Variants in GPM6A observed in about 807,000 individuals in gnomAD.
GPM6A encodes neuronal membrane glycoprotein M6-a.
Under a neutral mutation model 32.1 loss-of-function variants are expected in GPM6A, and 7 were observed. The observed-to-expected ratio is 0.22, with a 90% CI of 0.12 to 0.41. GPM6A has a LOEUF of 0.41. Among genes scored for constraint, GPM6A ranks in the 10% least tolerant of loss-of-function variants. GPM6A has a pLI of 1.00. For synonymous variants in GPM6A, 130 were observed against 123.4 expected (o/e 1.05, Z -0.35); for missense variants, 235 against 347.2 (o/e 0.68, Z 2.57).
rs555954469 is a variant in GPM6A at position 175,714,730 on chromosome 4, A to G, written c.38-12963T>C. Among the ~76,000 whole-genome samples, 3 of 152,326 alleles carry G rather than the reference A, an allele frequency of 2.0e-5. No homozygotes were observed. In the East Asian group the frequency reaches 5.8e-4, roughly 29 times the overall value. On this transcript the variant is annotated intron_variant, in intron 1 of 6. Coordinates refer to ENST00000393658, the MANE Select transcript of GPM6A (RefSeq NM_201591.3). The stretch of plus-strand genomic sequence containing the variant: ...ACATTTTTATGTTTAAAATGCTATC[A>G]TGAAAATGTTTATTAAGATTAATAT...
intron 1 of GPM6A, among the ~76,000 whole-genome samples, chr4:175,912,005 T>C (rs564478254): frequency 6.6e-6 from 1 of 152,130 alleles, no homozygotes; most frequent in Non-Finnish European, 1.5e-5. Context: ...GCTATATCTA[T>C]ACAGATTTTG....
upstream of GPM6A, among the ~76,000 whole-genome samples, chr4:175,815,020 T>C (rs544350736): frequency 5.4e-4 from 81 of 150,744 alleles, no homozygotes; most frequent in African/African-American, 1.6e-3. Context: ...GATTTTCTCT[T>C]TTTTTTTTGA....
At chr4:175,671,291 A>G (rs1195631938) in intron 3 of GPM6A, among the ~76,000 whole-genome samples, 1 of 151,120 alleles carries the variant, frequency 6.6e-6, no homozygotes, top group Admixed American at 6.6e-5. Context: ...GAAGATTTTT[A>G]TATACTTGTT....
intron 1 of GPM6A, among the ~76,000 whole-genome samples, chr4:175,989,627 A>G (rs1741077702): frequency 6.6e-6 from 1 of 152,210 alleles, no homozygotes; most frequent in African/African-American, 2.4e-5. Context: ...TCTGATAGCT[A>G]AAGTTTCTAA....
At chr4:175,636,533 C>T (rs1434026211) in intron 6 of GPM6A, among the ~76,000 whole-genome samples, 4 of 150,678 alleles carry the variant, frequency 2.7e-5, no homozygotes, top group Admixed American at 6.6e-5. Flanking sequence ...CGGTGGCTCA[C>T]GCCTGTAATC....
intron 1 of GPM6A, among the ~76,000 whole-genome samples, chr4:175,923,628 A>G (rs1036280218): frequency 1.3e-5 from 2 of 151,934 alleles, no homozygotes; most frequent in African/African-American, 4.8e-5. Flanking sequence ...AGCTTGGCTC[A>G]CTGCAGCCTC....
chr4:175,775,271 C>G (rs1733348603), intron 1 of GPM6A, among the ~76,000 whole-genome samples: 1 of 152,108 alleles, frequency 6.6e-6, no homozygotes. Context: ...AATCTAGACT[C>G]AGTCCGGTAT....
intron 1 of GPM6A, among the ~76,000 whole-genome samples, chr4:175,834,652 A>C (rs903320281): frequency 6.6e-6 from 1 of 152,186 alleles, no homozygotes; most frequent in Non-Finnish European, 1.5e-5. Flanking sequence ...TTTAAAAAAA[A>C]AACAACTGTT....
chr4:175,669,482 C>T (rs868298644), intron 3 of GPM6A, among the ~76,000 whole-genome samples: 1 of 152,180 alleles, frequency 6.6e-6, no homozygotes, highest in Non-Finnish European at 1.5e-5. Context: ...ATCTGCAATG[C>T]TCCAATGAAC....
At chr4:175,715,054 T>C (rs1426901587) in intron 1 of GPM6A, among the ~76,000 whole-genome samples, 1 of 151,080 alleles carries the variant, frequency 6.6e-6, no homozygotes, top group Non-Finnish European at 1.5e-5. Context: ...TGATATCCCA[T>C]ACCCTGCTTG....
At chr4:175,885,541 A>G (rs1277674046) in intron 1 of GPM6A, among the ~76,000 whole-genome samples, 1 of 152,132 alleles carries the variant, frequency 6.6e-6, no homozygotes, top group Non-Finnish European at 1.5e-5. Context: ...TGAGGTGGGC[A>G]GATGGCTTGA....
At chr4:175,821,292 T>C (rs1428107663) in intron 1 of GPM6A, among the ~76,000 whole-genome samples, 7 of 152,186 alleles carry the variant, frequency 4.6e-5, no homozygotes, top group Admixed American at 2.0e-4. Context: ...TTTTGAGAAA[T>C]GTATATTCAT....
At chr4:175,889,515 C>G (rs1156770349) in intron 1 of GPM6A, among the ~76,000 whole-genome samples, 1 of 117,510 alleles carries the variant, frequency 8.5e-6, no homozygotes, top group South Asian at 3.6e-4. Flanking sequence ...AAAACCCTGT[C>G]TCCAAAAAAA....
At chr4:175,833,385 T>G (rs1296708575) in intron 1 of GPM6A, among the ~76,000 whole-genome samples, 2 of 152,162 alleles carry the variant, frequency 1.3e-5, no homozygotes, top group African/African-American at 4.8e-5. Flanking sequence ...TGTAGAAGCA[T>G]GCAGAGACGC....
chr4:175,978,296 T>C (rs901682770), intron 1 of GPM6A, among the ~76,000 whole-genome samples: 10 of 152,190 alleles, frequency 6.6e-5, no homozygotes, highest in African/African-American at 2.2e-4. Flanking sequence ...CAAACACTTA[T>C]AAAACTATCA....
chr4:175,712,106 C>A lies in GPM6A; in HGVS notation c.38-10339G>T, dbSNP rs931817965. On this transcript the variant is annotated intron_variant, in intron 1 of 6. Coordinates refer to ENST00000393658, the MANE Select transcript of GPM6A (RefSeq NM_201591.3). ...AGAAAAGATAAACAACTTAGAAGAT[C>A]AGACAAGGAAGAACAACCACCACAA... is the stretch of plus-strand genomic sequence containing the variant. 5.3e-4 allele frequency among the ~76,000 whole-genome samples: 80 copies of A among 152,204 alleles called. 1 individual carries two copies. The highest frequency in any genetic ancestry group is 1.8e-3 in the African/African-American group (75 of 41,544).
intron 1 of GPM6A, among the ~76,000 whole-genome samples, chr4:175,916,707 T>C (rs1183119552): frequency 6.6e-6 from 1 of 152,130 alleles, no homozygotes; most frequent in Non-Finnish European, 1.5e-5. Context: ...TTTCTAATTA[T>C]AGAATCAGAT....
intron 1 of GPM6A, among the ~76,000 whole-genome samples, chr4:175,987,524 T>G (rs199716239): frequency 1.3e-5 from 2 of 148,600 alleles, no homozygotes; most frequent in Non-Finnish European, 3.0e-5. Flanking sequence ...TAAAGTGTGT[T>G]TGTGTGTGTG....
chr4:175,749,017 C>A (rs1732214385), intron 1 of GPM6A, among the ~76,000 whole-genome samples: 3 of 152,140 alleles, frequency 2.0e-5, no homozygotes, highest in African/African-American at 7.2e-5. Context: ...CTTCCCCCCA[C>A]CTCAATCAGC....
Sources: allele counts gnomAD v4.1 joint callset (sites outside exome capture counted in the v4.1 genomes callset), GRCh38; gene constraint gnomAD v4.1.1; transcripts MANE v1.5; gene names NCBI Gene and HGNC (gene_info 2026-07-23, HGNC 2026-07-21).